FMN2: variants seen among roughly 807,000 people sequenced by gnomAD.
FMN2 encodes the protein formin-2.
A neutral mutation model predicts 142.3 loss-of-function variants in FMN2; 51 were observed. The observed-to-expected ratio is 0.36, with a 90% confidence interval of 0.29 to 0.45. FMN2 has a LOEUF of 0.45. Among genes scored for constraint, FMN2 ranks in the 20% least tolerant of loss-of-function variants. The pLI, the probability that FMN2 is intolerant of heterozygous loss-of-function variation, is 1.00. For missense variants in FMN2, 1,936 were observed against 2,122.8 expected (o/e 0.91, Z 1.73); for synonymous variants, 882 against 869.8 (o/e 1.01, Z -0.25).
intron 13 of FMN2, among the ~76,000 whole-genome samples, chr1:240,350,302 G>A (rs978321840): frequency 1.3e-5 from 2 of 152,162 alleles, no homozygotes; most frequent in South Asian, 2.1e-4. Flanking sequence ...TTGGATGTGA[G>A]TTTTGGTGGT....
intron 1 of FMN2, among the ~76,000 whole-genome samples, chr1:240,106,585 C>T (rs1222993322): frequency 1.3e-5 from 2 of 152,152 alleles, no homozygotes; most frequent in Non-Finnish European, 2.9e-5. Flanking sequence ...AGCTATGCCA[C>T]TCTTCCTCCT....
intron 2 of FMN2, among the ~76,000 whole-genome samples, chr1:240,148,261 GAGAGACAGAGATAGACAGAGACAGAGAC>G (rs1663579653): frequency 1.4e-5 from 2 of 147,878 alleles, no homozygotes; most frequent in South Asian, 4.6e-4. Context: ...GAGATAGACA[GAGAGACAGAGATAGACAGAGACAGAGAC>G]AGACAGAGAC....
intron 8 of FMN2, among the ~76,000 whole-genome samples, chr1:240,314,237 A>G (rs1439538419): frequency 6.6e-6 from 1 of 152,182 alleles, no homozygotes; most frequent in African/African-American, 2.4e-5. Context: ...CAACCTTAAA[A>G]AAGGGGGAGT....
chr1:240,452,510 TCTTAA>T (rs201367676), intron 16 of FMN2, among the ~76,000 whole-genome samples: 1,888 of 152,280 alleles, frequency 0.012, 41 homozygotes, highest in African/African-American at 0.044. Flanking sequence ...TATTCCTAGA[TCTTAA>T]CTTTACGAGA....
chr1:240,454,150 G>T (rs1267519491), intron 16 of FMN2, among the ~76,000 whole-genome samples: 1 of 151,662 alleles, frequency 6.6e-6, no homozygotes, highest in Non-Finnish European at 1.5e-5. Flanking sequence ...ATGGAACCCT[G>T]TGCTTTCTTC....
chr1:240,377,551 T>C (rs1306384931), intron 14 of FMN2, among the ~76,000 whole-genome samples: 1 of 152,148 alleles, frequency 6.6e-6, no homozygotes, highest in Non-Finnish European at 1.5e-5. Flanking sequence ...TACATTTCTT[T>C]GCCTTTTTTT....
intron 14 of FMN2, among the ~76,000 whole-genome samples, chr1:240,381,760 C>T (rs1232539339): frequency 6.6e-6 from 1 of 152,120 alleles, no homozygotes; most frequent in African/African-American, 2.4e-5. Context: ...AAAAGGCATT[C>T]AGTAAAATCC....
intron 8 of FMN2, among the ~76,000 whole-genome samples, chr1:240,312,357 G>A (rs997618416): frequency 1.3e-5 from 2 of 152,038 alleles, no homozygotes; most frequent in Non-Finnish European, 2.9e-5. Context: ...TCTTCCTTAG[G>A]AATTCTTTGT....
intron 7 of FMN2, among the ~76,000 whole-genome samples, chr1:240,276,728 T>C (rs1669226076): frequency 6.6e-6 from 1 of 152,194 alleles, no homozygotes; most frequent in Non-Finnish European, 1.5e-5. Flanking sequence ...TCATGTAAGT[T>C]TGTAAAATAT....
intron 4 of FMN2, among the ~76,000 whole-genome samples, chr1:240,198,140 CT>C (rs1558354085): frequency 6.6e-6 from 1 of 152,172 alleles, no homozygotes; most frequent in Non-Finnish European, 1.5e-5. Flanking sequence ...CCTTGCATTA[CT>C]TGAGACAATT....
At chr1:240,099,135 C>T (rs1661322147) in intron 1 of FMN2, among the ~76,000 whole-genome samples, 1 of 151,972 alleles carries the variant, frequency 6.6e-6, no homozygotes, top group African/African-American at 2.4e-5. Flanking sequence ...CTGCCTGGTA[C>T]ATGAGAGGCA....
At chr1:240,358,205 T>A (rs1286731030) in intron 14 of FMN2, among the ~76,000 whole-genome samples, 1 of 152,214 alleles carries the variant, frequency 6.6e-6, no homozygotes, top group Non-Finnish European at 1.5e-5. Flanking sequence ...CTGTTGGGTA[T>A]GACTTACAGC....
chr1:240,336,012 A>C (rs193236702), intron 13 of FMN2, among the ~76,000 whole-genome samples: 17 of 152,142 alleles, frequency 1.1e-4, no homozygotes, highest in African/African-American at 4.1e-4. Context: ...GCATGGTGGC[A>C]CATATCTGTA....
intron 15 of FMN2, among the ~76,000 whole-genome samples, chr1:240,409,219 T>C (rs1244848232): frequency 6.6e-6 from 1 of 152,170 alleles, no homozygotes; most frequent in Non-Finnish European, 1.5e-5. Context: ...TTCAGCTCCC[T>C]GCAACCCTCG....
rs1355591314 is a variant in FMN2 at position 240,439,776 on chromosome 1, T to G, written c.5060+1566T>G. ...CCTTCAGACTAAGTCATATATTAAGTGATATTTACCAAAAACAGGCTTGCT... is the reference window on the plus strand; with the variant it reads ...CCTTCAGACTAAGTCATATATTAAGGGATATTTACCAAAAACAGGCTTGCT... On this transcript the variant is annotated intron_variant, in intron 16 of 17. Coordinates refer to ENST00000319653, the MANE Select transcript of FMN2 (RefSeq NM_020066.5). Among the ~76,000 whole-genome samples the G allele has an allele frequency of 3.9e-5, 6 of 152,068 alleles. No individual in the cohort carries two copies. The South Asian group carries it at 8.3e-4, about 21-fold the overall frequency.
At chr1:240,380,760 G>A (rs73128205) in intron 14 of FMN2, among the ~76,000 whole-genome samples, 80 of 147,506 alleles carry the variant, frequency 5.4e-4, no homozygotes, top group African/African-American at 1.9e-3. Flanking sequence ...AGAACTAAAT[G>A]AGATTGAGAC....
chr1:240,210,542 T>C lies in FMN2; in HGVS notation c.3921-549T>C, dbSNP rs186724054. ...AACTGTGCCCCAAAGTCATTTTCTC[T>C]AGATATGACAGGGGAAGTTCTTGTG... is the stretch of plus-strand genomic sequence containing the variant. On this transcript the variant is annotated intron_variant, in intron 5 of 17. Transcript: ENST00000319653. Among the ~76,000 whole-genome samples the C allele has an allele frequency of 2.7e-3, 413 of 152,314 alleles. 3 individuals are homozygous for C. In the South Asian group the frequency reaches 0.027, roughly 10 times the overall value.
intron 6 of FMN2, among the ~76,000 whole-genome samples, chr1:240,222,463 G>A (rs1381034307): frequency 6.6e-6 from 1 of 151,918 alleles, no homozygotes; most frequent in East Asian, 1.9e-4. Context: ...GGATGACTTG[G>A]CTATATGGGC....
chr1:240,221,957 C>T (rs1315135305), intron 6 of FMN2, among the ~76,000 whole-genome samples: 1 of 150,448 alleles, frequency 6.6e-6, no homozygotes, highest in Non-Finnish European at 1.5e-5. Flanking sequence ...AAGCAATTCT[C>T]CTGCCTCAAC....
Sources: allele counts gnomAD v4.1 joint callset (sites outside exome capture counted in the v4.1 genomes callset), GRCh38; gene constraint gnomAD v4.1.1; transcripts MANE v1.5; gene names NCBI Gene and HGNC (gene_info 2026-07-23, HGNC 2026-07-21).